Variants in EVC observed in about 807,000 individuals in gnomAD.
The protein encoded by EVC is EvC ciliary complex subunit 1, also known as evC complex member EVC.
In EVC, 116 loss-of-function variants were observed where a neutral mutation model predicts 118.9. The ratio of observed to expected loss-of-function variants is 0.98; its 90% CI spans 0.84 to 1.14. EVC has a LOEUF of 1.14. EVC is among the 50% of genes most tolerant of loss of function. The pLI is 0.00. For missense variants in EVC, 1,401 were observed against 1,246.4 expected (o/e 1.12, Z -1.87); for synonymous variants, 619 against 534.7 (o/e 1.16, Z -2.18).
At chr4:5,824,398 T>C in the EVC span, 1 of 985,266 alleles carries the variant, frequency 1.0e-6, no homozygotes, top group East Asian at 1.1e-4. Context: ...CCTTGATTCA[T>C]GCCTCCTCGG....
At position 5,808,219 on chromosome 4, in the gene EVC, G is replaced by A. The variant is rs1264987350; in HGVS notation, c.2580G>A (p.Lys860=). Residue 860 remains lysine, a synonymous_variant, in exon 18 of 21, where the codon AAG becomes AAA. Transcript: ENST00000264956. The stretch of plus-strand genomic sequence containing the variant: ...CCCCCAGGATGCTGTCCCAGCAGAA[G>A]AGGTTCCTGGCCCAGTTCCCAGTGC... The part of the protein sequence containing the change: ...AVHQRMLSQQ[K]RFLAQFPVHQ... The A allele has an allele frequency of 2.7e-6, 4 of 1,475,700 alleles. No homozygotes were observed. Among genetic ancestry groups the A allele is most frequent in the African/African-American group, 3.1e-5 (2 of 65,232 alleles). The allele number at this position is 1,475,700 out of a possible 1,614,324, so 91.4% of individuals were successfully genotyped here.
rs35926225 is a variant in EVC, at chr4:5,810,425, G to C, written c.2869G>C (p.Gly957Arg). The C allele has an allele frequency of 1.9e-6, 3 of 1,612,614 alleles. No individual in the cohort carries two copies. Among genetic ancestry groups the C allele is most frequent in the African/African-American group, 1.3e-5 (1 of 75,022 alleles). ...GCCCAACAATGAGGACCTTGCCTCC[G>C]GGGACCAGACCTCAGGCTCACTCAG... is the stretch of plus-strand genomic sequence containing the variant. ...GVPNNEDLASGDQTSGSLSSK... is the reference protein window; with the variant it reads ...GVPNNEDLASRDQTSGSLSSK... The change falls in exon 20 of 21, where the codon GGG (glycine) becomes CGG (arginine). Residue 957 changes from glycine to arginine, a missense_variant. Coordinates refer to ENST00000264956, the MANE Select transcript of EVC (RefSeq NM_153717.3).
At chr4:5,815,084 C>T (rs775353400), downstream of EVC, among the ~76,000 whole-genome samples, 16 of 152,158 alleles carry the variant, frequency 1.1e-4, no homozygotes, top group Non-Finnish European at 2.1e-4. Flanking sequence ...CTAGTGTCAC[C>T]TGATATGCAG....
At chr4:5,733,521 C>A in intron 5 of EVC, 86 bp downstream of exon 5, 1 of 1,146,236 alleles carries the variant, frequency 8.7e-7, no homozygotes, top group Non-Finnish European at 1.3e-6. Flanking sequence ...TCCCAGAGAC[C>A]CTTGAGAGGC....
intron 11 of EVC, among the ~76,000 whole-genome samples, chr4:5,776,559 G>A (rs1399595668): frequency 6.6e-6 from 1 of 152,064 alleles, no homozygotes; most frequent in Non-Finnish European, 1.5e-5. Context: ...CCATCAGTTT[G>A]GGAAATTTCA....
chr4:5,758,135 G>C, intron 11 of EVC: 1 of 702,142 alleles, frequency 1.4e-6, no homozygotes, highest in Non-Finnish European at 2.6e-6. Context: ...AAGACAGAAG[G>C]AGGGACTGGA....
At position 5,723,442 on chromosome 4, in the gene EVC, G is replaced by A. The variant is rs145817044; in HGVS notation, c.300+4069G>A. Reference sequence around the variant, plus strand: ...CTGACCTCGTGATCTGCCCGCCTTGGCCTCCCAAAGTGCTGGGATTACAGG... The same window carrying A: ...CTGACCTCGTGATCTGCCCGCCTTGACCTCCCAAAGTGCTGGGATTACAGG... On this transcript the variant is annotated intron_variant, in intron 2 of 20. Coordinates refer to ENST00000264956, the MANE Select transcript of EVC (RefSeq NM_153717.3). Among the ~76,000 whole-genome samples, 1,119 of 152,234 alleles carry A rather than the reference G, an allele frequency of 7.4e-3. 7 individuals carry two copies. The highest frequency in any genetic ancestry group is 0.011 in the Non-Finnish European group (772 of 68,018).
At chr4:5,721,626 G>A (rs1341011776) in intron 2 of EVC, among the ~76,000 whole-genome samples, 1 of 152,166 alleles carries the variant, frequency 6.6e-6, no homozygotes, top group Non-Finnish European at 1.5e-5. Context: ...CCAGCATTTT[G>A]GGAGGCTGAG....
intron 1 of EVC, among the ~76,000 whole-genome samples, chr4:5,711,961 C>T (rs1425729806): frequency 1.3e-5 from 2 of 152,158 alleles, no homozygotes; most frequent in Non-Finnish European, 2.9e-5. Context: ...TGGGTTACGT[C>T]GCCTGGCCTG....
chr4:5,797,609 ACT>A (rs910209959), intron 14 of EVC, among the ~76,000 whole-genome samples: 2 of 152,158 alleles, frequency 1.3e-5, no homozygotes, highest in Admixed American at 1.3e-4. Flanking sequence ...TAATGACCTC[ACT>A]TGACCTTAAT....
chr4:5,733,506 G>C (rs1406412825), intron 5 of EVC, 71 bp downstream of exon 5: 5 of 1,291,042 alleles, frequency 3.9e-6, no homozygotes, highest in Non-Finnish European at 5.6e-6. Flanking sequence ...TCTGTGTGCA[G>C]TGAGTCCCAG....
At chr4:5,767,323 T>G (rs1294896419) in intron 11 of EVC, among the ~76,000 whole-genome samples, 8 of 137,746 alleles carry the variant, frequency 5.8e-5, no homozygotes, top group Admixed American at 7.8e-5. Flanking sequence ...CAGGGACATT[T>G]AAGTCTGCAG....
At chr4:5,785,161 C>T (rs932061706) in intron 12 of EVC, among the ~76,000 whole-genome samples, 2 of 152,194 alleles carry the variant, frequency 1.3e-5, no homozygotes, top group African/African-American at 4.8e-5. Context: ...GAGCAGCCCC[C>T]TTCTTCAGTG....
At chr4:5,807,910 G>A (rs1399402769) in intron 17 of EVC, among the ~76,000 whole-genome samples, 1 of 152,322 alleles carries the variant, frequency 6.6e-6, no homozygotes, top group Non-Finnish European at 1.5e-5. Context: ...CTTCCCCCCA[G>A]CTTTTCTACT....
chr4:5,780,280 C>G (rs1412021119), intron 11 of EVC, among the ~76,000 whole-genome samples: 1 of 152,130 alleles, frequency 6.6e-6, no homozygotes, highest in African/African-American at 2.4e-5. Context: ...CAAGTATGAG[C>G]TAGGTACATT....
intron 11 of EVC, among the ~76,000 whole-genome samples, chr4:5,777,692 A>T (rs1301653909): frequency 6.6e-6 from 1 of 152,184 alleles, no homozygotes; most frequent in African/African-American, 2.4e-5. Flanking sequence ...CATATCAGAA[A>T]TATAATCTCT....
chr4:5,747,226 A>G (rs905030053), intron 7 of EVC, among the ~76,000 whole-genome samples: 1 of 124,218 alleles, frequency 8.1e-6, no homozygotes, highest in Non-Finnish European at 1.6e-5. Flanking sequence ...ACAGAGTTTC[A>G]TGATCTTGAG....
At position 5,753,913 on chromosome 4, in the gene EVC, G is replaced by T; in HGVS notation, c.1444G>T (p.Asp482Tyr). ...CCTGGCTGAGGCCCAGCCGACTGCTGACCCGGAAAAGTTTCTCGAGGTGAC... is the reference window on the plus strand; with the variant it reads ...CCTGGCTGAGGCCCAGCCGACTGCTTACCCGGAAAAGTTTCTCGAGGTGAC... ...SFLAEAQPTA[D>Y]PEKFLEAFHE... is the part of the protein sequence containing the mutation. The change falls in exon 10 of 21, where the codon GAC (aspartate) becomes TAC (tyrosine). Residue 482 changes from aspartate to tyrosine, a missense_variant. Asp to Tyr is a radical substitution (Grantham distance 160). Coordinates refer to ENST00000264956, the MANE Select transcript of EVC (RefSeq NM_153717.3). The T allele has an allele frequency of 6.2e-7, 1 of 1,613,414 alleles. No individual in the cohort carries two copies. Among genetic ancestry groups the T allele is most frequent in the South Asian group, 1.1e-5 (1 of 91,024 alleles).
At chr4:5,810,899 A>G (rs763197255) in intron 20 of EVC, 54 bp from the exon 21 acceptor site, 7 of 1,499,236 alleles carry the variant, frequency 4.7e-6, no homozygotes, top group Non-Finnish European at 6.4e-6. Context: ...TTATGGCATC[A>G]TGATGGGCAT....
Sources: allele counts gnomAD v4.1 joint callset (sites outside exome capture counted in the v4.1 genomes callset), GRCh38; gene constraint gnomAD v4.1.1; transcripts MANE v1.5; gene names NCBI Gene and HGNC (gene_info 2026-07-23, HGNC 2026-07-21).